SLC14A1: variants seen among roughly 807,000 people sequenced by gnomAD.
SLC14A1 encodes the protein urea transporter 1.
A neutral mutation model predicts 39.6 loss-of-function variants in SLC14A1; 36 were observed. The ratio of observed to expected loss-of-function variants is 0.91; its 90% CI spans 0.70 to 1.20. SLC14A1 has a LOEUF of 1.20. Ranked by LOEUF, SLC14A1 falls within the 50% of genes most tolerant of loss-of-function variation. The pLI is 0.00. For missense variants in SLC14A1, 469 were observed against 478.7 expected, an observed-to-expected ratio of 0.98 and a Z score of 0.19; for synonymous variants, 164 against 173.6, an observed-to-expected ratio of 0.94 and a Z score of 0.43.
intron 2 of SLC14A1, chr18:45,727,408 C>T (rs1282688544): frequency 3.2e-6 from 5 of 1,548,308 alleles, no homozygotes; most frequent in Admixed American, 2.0e-5. Flanking sequence ...GCAGATGGGT[C>T]GCAGGAACAG....
At chr18:45,743,245 T>C (rs927886217) in intron 8 of SLC14A1, among the ~76,000 whole-genome samples, 2 of 152,250 alleles carry the variant, frequency 1.3e-5, no homozygotes. Context: ...TTCAATAGTC[T>C]AGGAAATTCT....
intron 5 of SLC14A1, among the ~76,000 whole-genome samples, chr18:45,736,183 A>G (rs1423196079): frequency 6.6e-6 from 1 of 152,244 alleles, no homozygotes; most frequent in Non-Finnish European, 1.5e-5. Flanking sequence ...CTTCAAAAAT[A>G]TTTTTAAAAT....
At chr18:45,746,306 T>C (rs534254039) in intron 8 of SLC14A1, among the ~76,000 whole-genome samples, 2 of 152,300 alleles carry the variant, frequency 1.3e-5, no homozygotes, top group South Asian at 4.1e-4. Flanking sequence ...GCCTACAAAC[T>C]GATGATGCTG....
rs998855705 is a variant in SLC14A1, at chr18:45,750,467, G to A, written c.*516G>A. 4 of 1,038,956 alleles carry A rather than the reference G, an allele frequency of 3.9e-6. No individual in the cohort carries two copies. The highest frequency in any genetic ancestry group is 4.6e-6 in the Non-Finnish European group (4 of 863,106). The allele number at this position is 1,038,956 out of a possible 1,614,324, so 64.4% of individuals were successfully genotyped here. On this transcript the variant is annotated 3_prime_UTR_variant, in exon 10 of 10. Transcript: ENST00000321925. ...CAGAATCTGTATCACAGAGGTGCAA[G>A]CTGACAGCAGAGCTCAGTCCCCACT...
At position 45,727,164 on chromosome 18, in the gene SLC14A1, C is replaced by T. The variant is rs1438513340; in HGVS notation, c.-22+2151C>T. 6.8e-6 allele frequency: 8 copies of T among 1,179,512 alleles called. No homozygotes were observed. In the African/African-American group the frequency reaches 7.5e-5, roughly 11 times the overall value. 73.1% of individuals were successfully genotyped at this position (1,179,512 alleles called of 1,614,324 possible). ...TCCCTCACCAGGAACCCAGTGGGCG[C>T]GCTCCAGCCCCCCTCAGCTTGCCTT... On this transcript the variant is annotated intron_variant, in intron 2 of 9. Transcript: ENST00000321925.
chr18:45,739,683 G>C, intron 8 of SLC14A1, 21 bp downstream of exon 8: 4 of 1,613,986 alleles, frequency 2.5e-6, no homozygotes, highest in Non-Finnish European at 3.4e-6. Flanking sequence ...CACGCCCCTG[G>C]GGGAGGGCTG....
chr18:45,730,910 T>C (rs1344743170), intron 3 of SLC14A1, 105 bp from the exon 4 acceptor site: 3 of 950,718 alleles, frequency 3.2e-6, no homozygotes, highest in East Asian at 4.8e-5. Context: ...ATATCAAAAA[T>C]GTTTCACTTC....
At position 45,751,796 on chromosome 18, in the gene SLC14A1, A is replaced by G; in HGVS notation, c.*1845A>G. 1.2e-6 allele frequency: 1 copy of G among 843,210 alleles called. No homozygotes were observed. Among genetic ancestry groups the G allele is most frequent in the Non-Finnish European group, 1.4e-6 (1 of 701,230 alleles). 52.2% of individuals were successfully genotyped at this position (843,210 alleles called of 1,614,324 possible). A position where few individuals can be genotyped will look rare whatever the true frequency, so the allele number is the denominator to read the frequency against. ...GACCCTATCTCAAAAAAATTAATTA[A>G]TTAATTAATTAATTAATTTAAAAAG... On this transcript the variant is annotated 3_prime_UTR_variant, in exon 10 of 10. Coordinates refer to ENST00000321925, the MANE Select transcript of SLC14A1 (RefSeq NM_015865.7).
chr18:45,728,889 G>A (rs2046942784), intron 2 of SLC14A1: 1 of 152,156 alleles, frequency 6.6e-6, no homozygotes, highest in Non-Finnish European at 1.5e-5. Flanking sequence ...TGGTTAGTTG[G>A]GCAGTGAGGT....
intron 9 of SLC14A1, 143 bp from the exon 10 acceptor site, chr18:45,749,635 C>A (rs1433840915): frequency 2.2e-6 from 2 of 927,924 alleles, no homozygotes; most frequent in African/African-American, 3.3e-5. Flanking sequence ...TAAATTCAGT[C>A]TCCACGAGCA....
At chr18:45,730,259 T>A in intron 2 of SLC14A1, 41 bp from the exon 3 acceptor site, 1 of 1,579,216 alleles carries the variant, frequency 6.3e-7, no homozygotes, top group South Asian at 1.2e-5. Context: ...TCTGGAGGGC[T>A]CTGCCTTAGG....
chr18:45,751,256 C>T lies in SLC14A1; in HGVS notation c.*1305C>T. ...TTGGGAGGCTGAGGTGGGAAAATGACTTGAGCCCAGGAGGAGGAGGCTGCA... is the reference window on the plus strand; with the variant it reads ...TTGGGAGGCTGAGGTGGGAAAATGATTTGAGCCCAGGAGGAGGAGGCTGCA... On this transcript the variant is annotated 3_prime_UTR_variant, in exon 10 of 10. Transcript: ENST00000321925. The T allele has an allele frequency of 1.9e-6, 1 of 521,132 alleles. No homozygotes were observed. 32.3% of individuals were successfully genotyped at this position (521,132 alleles called of 1,614,324 possible). A position where few individuals can be genotyped will look rare whatever the true frequency, so the allele number is the denominator to read the frequency against.
Position 45,750,992 on chromosome 18 carries a change from T to C in SLC14A1, c.*1041T>C. 2 of 985,276 alleles carry C rather than the reference T, an allele frequency of 2.0e-6. No homozygotes were observed. Among genetic ancestry groups the C allele is most frequent in the Non-Finnish European group, 2.4e-6 (2 of 829,824 alleles). The allele number at this position is 985,276 out of a possible 1,614,324, so 61.0% of individuals were successfully genotyped here. On this transcript the variant is annotated 3_prime_UTR_variant, in exon 10 of 10. Transcript: ENST00000321925. ...CCTTAATTTAAAAAAGCTCATTATT[T>C]TTTGCACACTCACAATATTCTCTCT...
chr18:45,726,381 G>T (rs1338454265), intron 2 of SLC14A1, among the ~76,000 whole-genome samples: 1 of 152,192 alleles, frequency 6.6e-6, no homozygotes, highest in East Asian at 1.9e-4. Context: ...TCTGGTAAAA[G>T]AGTGATATTC....
intron 8 of SLC14A1, among the ~76,000 whole-genome samples, chr18:45,746,154 A>G (rs562914667): frequency 6.6e-6 from 1 of 152,230 alleles, no homozygotes; most frequent in African/African-American, 2.4e-5. Context: ...TCTCTTCCCA[A>G]TGGTTGGGTT....
rs1244756334 is a variant in SLC14A1 at position 45,751,935 on chromosome 18, A to G, written c.*1984A>G. 3.0e-6 allele frequency: 3 copies of G among 985,248 alleles called. No homozygotes were observed. The African/African-American group carries it at 5.2e-5, about 17-fold the overall frequency. The allele number at this position is 985,248 out of a possible 1,614,324, so 61.0% of individuals were successfully genotyped here. A position where few individuals can be genotyped will look rare whatever the true frequency, so the allele number is the denominator to read the frequency against. On this transcript the variant is annotated 3_prime_UTR_variant, in exon 10 of 10. Transcript: ENST00000321925. Reference sequence around the variant, plus strand: ...TTTCCACTTCTAGTTTGCAGTGCTCAGTGCACAATATACATTTTGCTGAAT... The same window carrying G: ...TTTCCACTTCTAGTTTGCAGTGCTCGGTGCACAATATACATTTTGCTGAAT...
intron 8 of SLC14A1, among the ~76,000 whole-genome samples, chr18:45,745,368 G>A (rs936924901): frequency 1.3e-5 from 2 of 152,164 alleles, no homozygotes; most frequent in South Asian, 2.1e-4. Flanking sequence ...AGCTGTTTGG[G>A]TGAGTCTCTG....
In SLC14A1 at chr18:45,751,356, AACAAAC is replaced by A; in HGVS notation, c.*1407_*1412del. ...ACTGTGTCTCTCAAAAAAAAAAAAA[AACAAAC>A]AAAAACAAAAACAAAACAAAACAAA... On this transcript the variant is annotated 3_prime_UTR_variant, in exon 10 of 10. Transcript: ENST00000321925. The A allele has an allele frequency of 2.7e-5, 20 of 729,640 alleles. No homozygotes were observed. The highest frequency in any genetic ancestry group is 6.3e-5 in the South Asian group (1 of 15,846). The allele number at this position is 729,640 out of a possible 1,614,324, so 45.2% of individuals were successfully genotyped here.
intron 3 of SLC14A1, 66 bp from the exon 4 acceptor site, chr18:45,730,948 GT>G: frequency 7.1e-7 from 1 of 1,407,008 alleles, no homozygotes; most frequent in Non-Finnish European, 1.0e-6. Flanking sequence ...TTTGCTCAGG[GT>G]GGGCCTGTGG....
Sources: gnomAD v4.1 joint callset for allele counts (sites outside exome capture counted in the v4.1 genomes callset) on GRCh38, gnomAD v4.1.1 for gene constraint, MANE v1.5 for transcripts, NCBI Gene and HGNC (gene_info 2026-07-23, HGNC 2026-07-21) for gene names.